COL4A2: variants seen among roughly 807,000 people sequenced by gnomAD.
The protein encoded by COL4A2 is collagen alpha-2(IV) chain.
COL4A2 carries 99 observed loss-of-function variants against 200.2 expected under a neutral mutation model. The observed-to-expected ratio is 0.49, with a 90% confidence interval of 0.42 to 0.58. The LOEUF is 0.58. COL4A2 is among the 20% of genes least tolerant of loss of function. COL4A2 has a pLI of 0.00. For synonymous variants in COL4A2, 897 were observed against 900.6 expected (o/e 1.00, Z 0.07); for missense variants, 1,950 against 2,314.1 (o/e 0.84, Z 3.23).
chr13:110,354,794 T>C (rs1250687669), intron 3 of COL4A2, among the ~76,000 whole-genome samples: 2 of 152,116 alleles, frequency 1.3e-5, no homozygotes, highest in Non-Finnish European at 2.9e-5. Context: ...GAGTCATTGC[T>C]GGAACCCAAG....
rs752813292 is a variant in COL4A2 at position 110,503,936 on chromosome 13, C to T, written c.4228C>T (p.Arg1410Ter). The T allele has an allele frequency of 1.3e-5, 21 of 1,587,642 alleles. No individual in the cohort carries two copies. The highest frequency in any genetic ancestry group is 2.2e-5 in the East Asian group (1 of 44,716). Residue 1410 changes from arginine (R) to a stop codon, truncating the protein, a stop_gained, in exon 44 of 48, where the codon CGA becomes TGA. Transcript: ENST00000360467. LOFTEE classifies it high-confidence loss of function. ...QPGTVGPQGR[R>*]GPPGAPGEMG... ...AGGGACAGTGGGTCCCCAGGGGAGG[C>T]GAGGCCCCCCTGGGGCACCGGGGGA...
At chr13:110,491,937 T>G (rs1883298095) in intron 37 of COL4A2, 133 bp from the exon 38 acceptor site, 5 of 668,818 alleles carry the variant, frequency 7.5e-6, no homozygotes, top group Non-Finnish European at 1.2e-5. Context: ...AGTTCTAATC[T>G]CTCCTCCAAC....
At chr13:110,484,849 G>A in intron 32 of COL4A2, 56 bp from the exon 33 acceptor site, 3 of 1,529,120 alleles carry the variant, frequency 2.0e-6, no homozygotes, top group Non-Finnish European at 2.6e-6. Flanking sequence ...CTTCACCTGT[G>A]TTCTCCTGCG....
chr13:110,430,677 C>T (rs1198728274), intron 10 of COL4A2, 70 bp downstream of exon 10: 2 of 1,585,270 alleles, frequency 1.3e-6, no homozygotes, highest in Non-Finnish European at 1.7e-6. Flanking sequence ...GCCACTTCTT[C>T]AATGGTTGAC....
intron 30 of COL4A2, among the ~76,000 whole-genome samples, chr13:110,478,726 G>A (rs1048515392): frequency 6.6e-6 from 1 of 152,260 alleles, no homozygotes; most frequent in Non-Finnish European, 1.5e-5. Context: ...CACGGTCCAG[G>A]GAAACTGTCA....
intron 28 of COL4A2, among the ~76,000 whole-genome samples, chr13:110,470,789 G>A (rs1882441015): frequency 1.3e-5 from 2 of 152,286 alleles, no homozygotes; most frequent in South Asian, 4.1e-4. Flanking sequence ...GCTGATTTAA[G>A]CCTCAATGCA....
Position 110,307,648 on chromosome 13 carries a change from A to C in COL4A2, c.-45+120A>C. The stretch of plus-strand genomic sequence containing the variant: ...GGAGTAGAAAGGGGGAGGGTGGGAG[A>C]GCGAAGACCGAGCTCCTCGGCCAAG... On this transcript the variant is annotated intron_variant, in intron 1 of 47. Coordinates refer to ENST00000360467, the MANE Select transcript of COL4A2 (RefSeq NM_001846.4). This position sits in a 1 kb window ranked among gnomAD's most constrained non-coding sequence, Gnocchi z 5.0. 1 of 558,006 alleles carries C rather than the reference A, an allele frequency of 1.8e-6. No homozygotes were observed. The highest frequency in any genetic ancestry group is 3.2e-6 in the Non-Finnish European group (1 of 317,306). The allele number at this position is 558,006 out of a possible 1,614,324, so 34.6% of individuals were successfully genotyped here. A position where few individuals can be genotyped will look rare whatever the true frequency, so the allele number is the denominator to read the frequency against.
intron 3 of COL4A2, among the ~76,000 whole-genome samples, chr13:110,332,231 A>G (rs1051152534): frequency 6.6e-6 from 1 of 152,208 alleles, no homozygotes; most frequent in African/African-American, 2.4e-5. Flanking sequence ...CATTAAGTAG[A>G]CTTCACCAAA....
At position 110,485,022 on chromosome 13, in the gene COL4A2, C is replaced by T; in HGVS notation, c.3020C>T (p.Ala1007Val). The stretch of plus-strand genomic sequence containing the variant: ...ATGGGGCTGAAAGGATACCTGGGCG[C>T]AAAAGGTGAGGCTTCTGACCTGCAG... ...GPMGLKGYLG[A>V]KGIQGMPGIP... Residue 1007 changes from alanine to valine, a missense_variant, in exon 33 of 48, where the codon GCA becomes GTA. Transcript: ENST00000360467. The T allele has an allele frequency of 6.3e-7, 1 of 1,597,322 alleles. No homozygotes were observed. The highest frequency in any genetic ancestry group is 1.3e-5 in the African/African-American group (1 of 74,690).
chr13:110,360,360 T>C (rs770963964), intron 4 of COL4A2, among the ~76,000 whole-genome samples: 15 of 152,240 alleles, frequency 9.9e-5, no homozygotes, highest in Non-Finnish European at 1.9e-4. Context: ...ACATTTTCCA[T>C]AATGCCTTTA....
chr13:110,458,700 C>A, intron 21 of COL4A2, 71 bp from the exon 22 acceptor site: 1 of 1,594,730 alleles, frequency 6.3e-7, no homozygotes. Context: ...CTCCCCGCTG[C>A]CTGATACCCC....
intron 4 of COL4A2, 31 bp from the exon 5 acceptor site, chr13:110,424,703 C>A (rs369171544): frequency 1.3e-6 from 2 of 1,497,426 alleles, no homozygotes; most frequent in South Asian, 1.2e-5. Context: ...TGTGATTAAT[C>A]GTGGAAATTG....
chr13:110,486,145 A>C (rs1466482347), intron 34 of COL4A2, among the ~76,000 whole-genome samples: 1 of 152,168 alleles, frequency 6.6e-6, no homozygotes, highest in Non-Finnish European at 1.5e-5. Flanking sequence ...CAGAGCTCTA[A>C]AATTGAGCAC....
Position 110,307,801 on chromosome 13 carries a change from G to A in COL4A2, c.-44-59G>A, listed in dbSNP as rs1884829933. ...CCGCGTCTCGCGGACCGAGACCGGC[G>A]GTGAGGATGGGCTGCCTCCCTCATC... On this transcript the variant is annotated intron_variant, in intron 1 of 47. Coordinates refer to ENST00000360467, the MANE Select transcript of COL4A2 (RefSeq NM_001846.4). The surrounding 1 kb of genome is among the most constrained non-coding windows in gnomAD (Gnocchi z 5.0). The A allele has an allele frequency of 7.0e-7, 1 of 1,438,398 alleles. No homozygotes were observed. The highest frequency in any genetic ancestry group is 1.4e-5 in the South Asian group (1 of 72,810). The allele number at this position is 1,438,398 out of a possible 1,614,324, so 89.1% of individuals were successfully genotyped here. A position where few individuals can be genotyped will look rare whatever the true frequency, so the allele number is the denominator to read the frequency against.
chr13:110,420,514 G>A (rs1056309717), intron 4 of COL4A2, among the ~76,000 whole-genome samples: 2 of 152,110 alleles, frequency 1.3e-5, no homozygotes, highest in African/African-American at 2.4e-5. Context: ...GGATGTTGGA[G>A]GAATATTAGG....
intron 29 of COL4A2, chr13:110,473,359 C>G (rs1882557444): frequency 1.9e-6 from 1 of 527,178 alleles, no homozygotes; most frequent in South Asian, 2.7e-5. Context: ...TGCGATCTGG[C>G]CATCTGAGAA....
At chr13:110,468,519 C>T (rs1024746892) in intron 27 of COL4A2, among the ~76,000 whole-genome samples, 2 of 152,166 alleles carry the variant, frequency 1.3e-5, no homozygotes. Flanking sequence ...TCCGGGGCTC[C>T]CCCAGCCATA....
chr13:110,394,801 G>C (rs531709749), intron 4 of COL4A2, among the ~76,000 whole-genome samples: 24 of 152,262 alleles, frequency 1.6e-4, no homozygotes, highest in Admixed American at 1.0e-3. Flanking sequence ...ACATACACCA[G>C]AGTTCTGGCC....
chr13:110,402,840 G>GC (rs1879421435), intron 4 of COL4A2, among the ~76,000 whole-genome samples: 1 of 145,312 alleles, frequency 6.9e-6, no homozygotes, highest in Non-Finnish European at 1.5e-5. Context: ...GGTGGAGGTG[G>GC]CCACATTCTC....
Sources: allele counts gnomAD v4.1 joint callset (sites outside exome capture counted in the v4.1 genomes callset), GRCh38; gene constraint gnomAD v4.1.1; non-coding constraint Gnocchi (gnomAD v3.1); transcripts MANE v1.5; gene names NCBI Gene and HGNC (gene_info 2026-07-23, HGNC 2026-07-21).